The following PHACTR1 variants were observed in gnomAD, a reference collection of about 807,000 sequenced individuals.
PHACTR1 encodes phosphatase and actin regulator 1.
A neutral mutation model predicts 69.2 loss-of-function variants in PHACTR1; 16 were observed. That is an observed-to-expected ratio of 0.23 (90% CI 0.16 to 0.35). PHACTR1 has a LOEUF of 0.35. PHACTR1 is among the 10% of genes least tolerant of loss of function. The pLI is 1.00. For synonymous variants in PHACTR1, 312 were observed against 284.5 expected (o/e 1.10, Z -0.97); for missense variants, 510 against 734.7 (o/e 0.69, Z 3.54).
chr6:13,246,301 C>T lies in PHACTR1; in HGVS notation c.1391+16108C>T, dbSNP rs1773574777. On this transcript the variant is annotated intron_variant, in intron 10 of 14. Transcript: ENST00000332995. The surrounding 1 kb of genome is among the most constrained non-coding windows in gnomAD (Gnocchi z 4.2). ...TCAAAAGGCCCATGTAAAAGGAATCCTTGAATTCTCCCACAGATACATTCT... is the reference window on the plus strand; with the variant it reads ...TCAAAAGGCCCATGTAAAAGGAATCTTTGAATTCTCCCACAGATACATTCT... Among the ~76,000 whole-genome samples the T allele has an allele frequency of 6.6e-6, 1 of 152,096 alleles. No homozygotes were observed. Among genetic ancestry groups the T allele is most frequent in the Non-Finnish European group, 1.5e-5 (1 of 67,996 alleles).
chr6:13,172,342 A>G (rs1760737706), intron 6 of PHACTR1, among the ~76,000 whole-genome samples: 1 of 152,174 alleles, frequency 6.6e-6, no homozygotes, highest in South Asian at 2.1e-4. Flanking sequence ...CAGAGCCCTG[A>G]TAGTTCATGA....
intron 8 of PHACTR1, among the ~76,000 whole-genome samples, chr6:13,222,251 C>T (rs1182427581): frequency 6.6e-6 from 1 of 152,178 alleles, no homozygotes; most frequent in African/African-American, 2.4e-5. Context: ...TTACACGAGT[C>T]AGCAGTTCCT....
intron 5 of PHACTR1, among the ~76,000 whole-genome samples, chr6:13,113,300 C>G (rs987203483): frequency 6.6e-6 from 1 of 152,048 alleles, no homozygotes; most frequent in Non-Finnish European, 1.5e-5. Context: ...AAGTCTGTAA[C>G]CATTAAATAA....
At chr6:12,736,599 T>C (rs950933275) in intron 3 of PHACTR1, among the ~76,000 whole-genome samples, 2 of 152,196 alleles carry the variant, frequency 1.3e-5, no homozygotes, top group Admixed American at 1.3e-4. Context: ...CTGACAATGA[T>C]AATATTTCAG....
intron 12 of PHACTR1, chr6:13,280,945 C>A: frequency 7.8e-7 from 1 of 1,288,542 alleles, no homozygotes; most frequent in Non-Finnish European, 1.0e-6. Flanking sequence ...AGAGGAGCGT[C>A]CTGGTGGCCG....
chr6:12,878,054 G>A (rs1272384207), intron 4 of PHACTR1, among the ~76,000 whole-genome samples: 2 of 152,186 alleles, frequency 1.3e-5, no homozygotes, highest in African/African-American at 2.4e-5. Flanking sequence ...TCAGCTAAGT[G>A]TTCATTGCTC....
chr6:12,773,168 CT>C (rs1331994597), intron 4 of PHACTR1, among the ~76,000 whole-genome samples: 1 of 152,124 alleles, frequency 6.6e-6, no homozygotes, highest in African/African-American at 2.4e-5. Flanking sequence ...TCACATTTTT[CT>C]GAAATAAAGT....
intron 8 of PHACTR1, among the ~76,000 whole-genome samples, chr6:13,220,781 A>G (rs1768485126): frequency 6.6e-6 from 1 of 152,210 alleles, no homozygotes; most frequent in Non-Finnish European, 1.5e-5. Context: ...ATTTTAGCAA[A>G]TTAAGTAATT....
rs138438083 is a variant in PHACTR1 at position 13,049,963 on chromosome 6, G to A, written c.251-3402G>A. Among the ~76,000 whole-genome samples, 604 of 152,266 alleles carry A rather than the reference G, an allele frequency of 4.0e-3. 3 individuals carry two copies. The highest frequency in any genetic ancestry group is 0.014 in the African/African-American group (579 of 41,552). ...GGAGACTTGTAAAATGTGGACAAAA[G>A]CAACAAGACTATACACCAAGGTAAG... On this transcript the variant is annotated intron_variant, in intron 4 of 14. Transcript: ENST00000332995.
At chr6:13,055,747 G>C (rs778362071) in intron 5 of PHACTR1, among the ~76,000 whole-genome samples, 1 of 152,212 alleles carries the variant, frequency 6.6e-6, no homozygotes, top group African/African-American at 2.4e-5. Context: ...TTATGCCAAC[G>C]TCTTCAAGAC....
chr6:12,946,651 A>G (rs1790698794), intron 4 of PHACTR1, among the ~76,000 whole-genome samples: 1 of 152,160 alleles, frequency 6.6e-6, no homozygotes, highest in African/African-American at 2.4e-5. Context: ...AAAGCAAAGA[A>G]ATAAGAAGTA....
chr6:12,869,429 A>G (rs1285203371), intron 4 of PHACTR1, among the ~76,000 whole-genome samples: 2 of 151,822 alleles, frequency 1.3e-5, no homozygotes, highest in African/African-American at 4.8e-5. Flanking sequence ...GCCTCTTCCC[A>G]ATAGTCCATC....
intron 4 of PHACTR1, among the ~76,000 whole-genome samples, chr6:12,984,908 A>G (rs1210315075): frequency 6.6e-6 from 1 of 152,244 alleles, no homozygotes; most frequent in Non-Finnish European, 1.5e-5. Flanking sequence ...TGGAAATGTA[A>G]GAACAAAATC....
chr6:13,155,372 C>T (rs1436852250), intron 5 of PHACTR1, among the ~76,000 whole-genome samples: 1 of 152,182 alleles, frequency 6.6e-6, no homozygotes, highest in Non-Finnish European at 1.5e-5. Context: ...AGACCCAGCC[C>T]TGGCTTCTGT....
intron 5 of PHACTR1, among the ~76,000 whole-genome samples, chr6:13,076,718 T>A (rs1349625518): frequency 6.6e-6 from 1 of 151,942 alleles, no homozygotes; most frequent in Non-Finnish European, 1.5e-5. Flanking sequence ...TCCCTGGGGC[T>A]TTTGAAGCTG....
Position 13,008,846 on chromosome 6 carries a change from T to A in PHACTR1, c.251-44519T>A, listed in dbSNP as rs139083842. On this transcript the variant is annotated intron_variant, in intron 4 of 14. Transcript: ENST00000332995. ...TAATAAGAATATCACATATTGTTGA[T>A]GTTTAGGGAGTGTATTGTTTCCTAG... Among the ~76,000 whole-genome samples the A allele has an allele frequency of 1.6e-4, 25 of 152,342 alleles. No homozygotes were observed. The East Asian group carries it at 4.8e-3, about 29-fold the overall frequency.
At chr6:12,718,894 T>G (rs1761746252) in intron 3 of PHACTR1, 47 bp downstream of exon 3, 1,784 of 1,197,886 alleles carry the variant, frequency 1.5e-3, no homozygotes, top group Non-Finnish European at 1.9e-3. Context: ...ACGTCGGTTT[T>G]ATATGAACAG....
chr6:12,867,546 A>C (rs898054139), intron 4 of PHACTR1, among the ~76,000 whole-genome samples: 2 of 152,200 alleles, frequency 1.3e-5, no homozygotes, highest in African/African-American at 4.8e-5. Flanking sequence ...CTTGCCCCAG[A>C]GGTTAATTAA....
intron 4 of PHACTR1, among the ~76,000 whole-genome samples, chr6:12,779,473 A>G (rs1419508437): frequency 6.6e-6 from 1 of 152,182 alleles, no homozygotes; most frequent in African/African-American, 2.4e-5. Context: ...TGTTAATTAA[A>G]GCAAAAGCTT....
Sources: allele counts gnomAD v4.1 joint callset (sites outside exome capture counted in the v4.1 genomes callset), GRCh38; gene constraint gnomAD v4.1.1; non-coding constraint Gnocchi (gnomAD v3.1); transcripts MANE v1.5; gene names NCBI Gene and HGNC (gene_info 2026-07-23, HGNC 2026-07-21).